Variants in TWNK observed in about 807,000 individuals in gnomAD.
TWNK encodes the protein twinkle mtDNA helicase.
Under a neutral mutation model 58.2 loss-of-function variants are expected in TWNK, and 36 were observed. The ratio of observed to expected loss-of-function variants is 0.62; its 90% CI spans 0.47 to 0.82. The LOEUF (loss-of-function observed/expected upper bound fraction) is 0.82, where lower values mean the gene tolerates loss of function less well. Ranked by LOEUF, TWNK falls within the 40% of genes least tolerant of loss-of-function variation. The probability of loss-of-function intolerance (pLI) is 0.00; values close to 1 mark genes in which losing one functional copy is unlikely to be tolerated. For missense variants in TWNK, 714 were observed against 881.0 expected, an observed-to-expected ratio of 0.81 and a Z score of 2.40; for synonymous variants, 349 against 348.5, an observed-to-expected ratio of 1.00 and a Z score of -0.02.
At chr10:100,991,260 CAGTATGATAAG>C in intron 4 of TWNK, 1 of 573,448 alleles carries the variant, frequency 1.7e-6, no homozygotes, top group Non-Finnish European at 3.1e-6. Flanking sequence ...GATTGCAATT[CAGTATGATAAG>C]AGTATGATAG....
chr10:100,988,997 ACGAGT>A lies in TWNK; in HGVS notation c.790_794del (p.Ser264Ter), dbSNP rs1482979089. ...TCGTCGAGATGCTGAGGTGGTACTG[ACGAGT>A]CGTGAGCTTGACAGCCTGGCCTTGA... On this transcript the variant is annotated frameshift_variant, in exon 1 of 5. Transcript: ENST00000311916. LOFTEE classifies it high-confidence loss of function. This position sits in a 1 kb window ranked among gnomAD's most constrained non-coding sequence, Gnocchi z 5.2. 1 of 1,614,150 alleles carries A rather than the reference ACGAGT, an allele frequency of 6.2e-7. No individual in the cohort carries two copies. The highest frequency in any genetic ancestry group is 1.3e-5 in the African/African-American group (1 of 75,026).
Position 100,988,863 on chromosome 10 carries a change from G to T in TWNK, c.653G>T (p.Gly218Val). The T allele has an allele frequency of 2.5e-6, 4 of 1,614,176 alleles. No homozygotes were observed. Among genetic ancestry groups the T allele is most frequent in the Non-Finnish European group, 3.4e-6 (4 of 1,180,030 alleles). ...WFSPGGSGLR[G>V]LKLLEAKCQG... ...TCCCCTGGGGGCTCAGGATTACGAGGCCTGAAGCTCCTAGAGGCTAAATGC... is the reference window on the plus strand; with the variant it reads ...TCCCCTGGGGGCTCAGGATTACGAGTCCTGAAGCTCCTAGAGGCTAAATGC... Residue 218 changes from glycine (G) to valine (V), a missense_variant, in exon 1 of 5, where the codon GGC becomes GTC. This residue lies in a region of TWNK where 348 missense variants were observed against 388.4 expected (regional missense o/e 0.90). Transcript: ENST00000311916. This position sits in a 1 kb window ranked among gnomAD's most constrained non-coding sequence, Gnocchi z 5.2.
At position 100,988,846 on chromosome 10, in the gene TWNK, G is replaced by T. The variant is rs1168276150; in HGVS notation, c.636G>T (p.Gly212=). ...RSLVFPWFSP[G]GSGLRGLKLL... ...TTGTCTTCCCTTGGTTCTCCCCTGG[G>T]GGCTCAGGATTACGAGGCCTGAAGC... The change falls in exon 1 of 5, where the codon GGG becomes GGT. Residue 212 remains glycine, a synonymous_variant. Coordinates refer to ENST00000311916, the MANE Select transcript of TWNK (RefSeq NM_021830.5). The surrounding 1 kb of genome is among the most constrained non-coding windows in gnomAD (Gnocchi z 5.2). 3.1e-6 allele frequency: 5 copies of T among 1,614,052 alleles called. No individual in the cohort carries two copies. The highest frequency in any genetic ancestry group is 1.6e-4 in the Middle Eastern group (1 of 6,084).
chr10:100,993,591 G>T lies in TWNK; in HGVS notation c.*81G>T. The T allele has an allele frequency of 2.0e-6, 3 of 1,480,560 alleles. No individual in the cohort carries two copies. Among genetic ancestry groups the T allele is most frequent in the Non-Finnish European group, 2.8e-6 (3 of 1,076,498 alleles). The allele number at this position is 1,480,560 out of a possible 1,614,324, so 91.7% of individuals were successfully genotyped here. A position where few individuals can be genotyped will look rare whatever the true frequency, so the allele number is the denominator to read the frequency against. On this transcript the variant is annotated 3_prime_UTR_variant, in exon 5 of 5. Coordinates refer to ENST00000311916, the MANE Select transcript of TWNK (RefSeq NM_021830.5). ...AACTCTGCAAGGGCTCCTCTATCCT[G>T]TGGTCCTGAGCTGTGTGCCCTTCTC...
At position 100,993,965 on chromosome 10, in the gene TWNK, C is replaced by T. The variant is rs148810959; in HGVS notation, c.*455C>T. ...AGGAGAGAGCCACGTGAACATCCGG[C>T]GAAGGGGACCCAGGCAGAGAGAAAA... On this transcript the variant is annotated 3_prime_UTR_variant, in exon 5 of 5. Coordinates refer to ENST00000311916, the MANE Select transcript of TWNK (RefSeq NM_021830.5). 3.8e-3 allele frequency: 658 copies of T among 175,120 alleles called. 5 individuals carry two copies. The highest frequency in any genetic ancestry group is 0.014 in the African/African-American group (573 of 41,814). 10.8% of individuals were successfully genotyped at this position (175,120 alleles called of 1,614,324 possible).
In TWNK at chr10:100,988,224, T is replaced by C. The variant is rs1851633917; in HGVS notation, c.14T>C (p.Leu5Pro). Residue 5 changes from leucine (L) to proline (P), a missense_variant, in exon 1 of 5, where the codon CTC becomes CCC. Leu to Pro is a moderately conservative substitution (Grantham distance 98, BLOSUM62 -3). Transcript: ENST00000311916. The surrounding 1 kb of genome is among the most constrained non-coding windows in gnomAD (Gnocchi z 5.2). MWVL[L>P]RSGYPLRILL... ...ATTTGGCTAGGAATGTGGGTCCTCCTCCGAAGTGGGTACCCCCTCCGTATC... is the reference window on the plus strand; with the variant it reads ...ATTTGGCTAGGAATGTGGGTCCTCCCCCGAAGTGGGTACCCCCTCCGTATC... The C allele has an allele frequency of 1.2e-6, 2 of 1,614,144 alleles. No homozygotes were observed. Among genetic ancestry groups the C allele is most frequent in the Non-Finnish European group, 1.7e-6 (2 of 1,180,032 alleles).
intron 4 of TWNK, among the ~76,000 whole-genome samples, chr10:100,992,405 C>T (rs111545834): frequency 0.29 from 43,130 of 149,146 alleles, 7,401 homozygotes; most frequent in East Asian, 0.54. Flanking sequence ...TTAGTAGATA[C>T]GGAGTTTCAC....
At chr10:100,990,331 T>C (rs1386708393) in intron 2 of TWNK, 105 bp from the exon 3 acceptor site, 5 of 838,744 alleles carry the variant, frequency 6.0e-6, no homozygotes, top group East Asian at 2.5e-5. Flanking sequence ...GTAATAATAA[T>C]AGAAGGGCAG....
intron 4 of TWNK, among the ~76,000 whole-genome samples, chr10:100,992,323 C>T (rs530635570): frequency 6.4e-4 from 92 of 144,706 alleles, no homozygotes; most frequent in African/African-American, 2.3e-3. Context: ...AAGTGATTCT[C>T]CTGCCTCAGC....
intron 3 of TWNK, 151 bp from the exon 4 acceptor site, chr10:100,990,718 G>T: frequency 6.3e-7 from 1 of 1,579,930 alleles, no homozygotes; most frequent in Non-Finnish European, 8.7e-7. Flanking sequence ...GCAGCAGGAT[G>T]TATGGACAGG....
rs745921670 is a variant in TWNK at position 100,993,961 on chromosome 10, C to G, written c.*451C>G. ...TAGAAGGAGAGAGCCACGTGAACAT[C>G]CGGCGAAGGGGACCCAGGCAGAGAG... On this transcript the variant is annotated 3_prime_UTR_variant, in exon 5 of 5. Transcript: ENST00000311916. 2.8e-5 allele frequency: 5 copies of G among 178,130 alleles called. No individual in the cohort carries two copies. The highest frequency in any genetic ancestry group is 4.8e-5 in the Non-Finnish European group (4 of 82,856). The allele number at this position is 178,130 out of a possible 1,614,324, so 11.0% of individuals were successfully genotyped here.
rs748463127 is a variant in TWNK at position 100,993,380 on chromosome 10, A to G, written c.1925A>G (p.Lys642Arg). The change falls in exon 5 of 5, where the codon AAG becomes AGG. Residue 642 changes from lysine (K) to arginine (R), a missense_variant. Physicochemically the swap from Lys to Arg is conservative, Grantham distance 26 (BLOSUM62 2). Transcript: ENST00000311916. ...AACAAGGCCCGGCTCAAGAAGATCA[A>G]GGATGACACTGGACCAGTGGCCAAA... ...PKNKARLKKI[K>R]DDTGPVAKKP... 4.6e-5 allele frequency: 75 copies of G among 1,614,128 alleles called. No homozygotes were observed. The highest frequency in any genetic ancestry group is 5.8e-5 in the Non-Finnish European group (68 of 1,180,052).
chr10:100,989,979 C>A lies in TWNK; in HGVS notation c.1484+95C>A. ...TTTTCCAGCTCCAGTAGGAACTCCCCCATCTCCTTAGGTTTGGAGTTTTTC... is the reference window on the plus strand; with the variant it reads ...TTTTCCAGCTCCAGTAGGAACTCCCACATCTCCTTAGGTTTGGAGTTTTTC... On this transcript the variant is annotated intron_variant, in intron 2 of 4. Coordinates refer to ENST00000311916, the MANE Select transcript of TWNK (RefSeq NM_021830.5). The surrounding 1 kb of genome is among the most constrained non-coding windows in gnomAD (Gnocchi z 7.6). 6.6e-7 allele frequency: 1 copy of A among 1,507,080 alleles called. No homozygotes were observed. The allele number at this position is 1,507,080 out of a possible 1,614,324, so 93.4% of individuals were successfully genotyped here. A position where few individuals can be genotyped will look rare whatever the true frequency, so the allele number is the denominator to read the frequency against.
chr10:100,992,477 AG>A (rs1436553806), intron 4 of TWNK, among the ~76,000 whole-genome samples: 3 of 145,952 alleles, frequency 2.1e-5, no homozygotes, highest in African/African-American at 7.5e-5. Context: ...GGCCTCCCAA[AG>A]TGCTGGGATT....
At chr10:100,992,685 T>C (rs1478323017) in intron 4 of TWNK, among the ~76,000 whole-genome samples, 1 of 152,062 alleles carries the variant, frequency 6.6e-6, no homozygotes, top group Non-Finnish European at 1.5e-5. Context: ...GTAGCAAGCT[T>C]GTCAGGGAAC....
chr10:100,990,703 G>A (rs1851745029), intron 3 of TWNK, 160 bp downstream of exon 3: 3 of 1,589,868 alleles, frequency 1.9e-6, no homozygotes, highest in East Asian at 2.2e-5. Flanking sequence ...GAGGTGTGGG[G>A]TATGGCAGCA....
Position 100,987,545 on chromosome 10 carries a change from T to C in TWNK, c.-666T>C. 1 of 1,488,094 alleles carries C rather than the reference T, an allele frequency of 6.7e-7. No individual in the cohort carries two copies. The highest frequency in any genetic ancestry group is 8.9e-7 in the Non-Finnish European group (1 of 1,117,784). The allele number at this position is 1,488,094 out of a possible 1,614,324, so 92.2% of individuals were successfully genotyped here. ...GGGACGACCGCTCCCGGAGTTTTGC[T>C]TCCGAGGTCAAGGCGAGTAGCATGT... On this transcript the variant is annotated 5_prime_UTR_variant, in exon 1 of 5. Coordinates refer to ENST00000311916, the MANE Select transcript of TWNK (RefSeq NM_021830.5).
At position 100,989,307 on chromosome 10, in the gene TWNK, C is replaced by G; in HGVS notation, c.1097C>G (p.Ser366Cys). The change falls in exon 1 of 5, where the codon TCC becomes TGC. Residue 366 changes from serine (S) to cysteine (C), a missense_variant. By Grantham distance (112) the Ser-to-Cys change is moderately radical (BLOSUM62 -1). Coordinates refer to ENST00000311916, the MANE Select transcript of TWNK (RefSeq NM_021830.5). This position sits in a 1 kb window ranked among gnomAD's most constrained non-coding sequence, Gnocchi z 7.6. The stretch of plus-strand genomic sequence containing the variant: ...ACCGCCCTGCCTGCCTGGCACAAGT[C>G]CATCGTATCTTTCCGGCAGCTTCGG... ...LRTALPAWHK[S>C]IVSFRQLREE... 6.2e-7 allele frequency: 1 copy of G among 1,614,196 alleles called. No homozygotes were observed. Among genetic ancestry groups the G allele is most frequent in the Non-Finnish European group, 8.5e-7 (1 of 1,180,044 alleles).
Position 100,988,762 on chromosome 10 carries a change from G to A in TWNK, c.552G>A (p.Lys184=), listed in dbSNP as rs770370204. ...QLADTMFGLT[K]VTDDTLKRFS... ...CTGATACAATGTTTGGCCTTACCAA[G>A]GTTACAGATGACACACTCAAGCGTT... is the stretch of plus-strand genomic sequence containing the variant. The change falls in exon 1 of 5, where the codon AAG becomes AAA. Residue 184 remains lysine, a synonymous_variant. Coordinates refer to ENST00000311916, the MANE Select transcript of TWNK (RefSeq NM_021830.5). This position sits in a 1 kb window ranked among gnomAD's most constrained non-coding sequence, Gnocchi z 5.2. The A allele has an allele frequency of 2.5e-6, 4 of 1,614,168 alleles. No individual in the cohort carries two copies. The Admixed American group carries it at 6.7e-5, about 27-fold the overall frequency.
Sources: gnomAD v4.1 joint callset for allele counts (sites outside exome capture counted in the v4.1 genomes callset) on GRCh38, gnomAD v4.1.1 for gene constraint, gnomAD v4.1.1 regional missense constraint, Gnocchi (gnomAD v3.1) non-coding constraint, MANE v1.5 for transcripts, NCBI Gene and HGNC (gene_info 2026-07-23, HGNC 2026-07-21) for gene names.